GRIN2B: variants seen among roughly 807,000 people sequenced by gnomAD.
GRIN2B encodes glutamate ionotropic receptor NMDA type subunit 2B.
Under a neutral mutation model 114.5 loss-of-function variants are expected in GRIN2B, and 5 were observed. That is an observed-to-expected ratio of 0.04 (90% confidence interval 0.02 to 0.09). The LOEUF (loss-of-function observed/expected upper bound fraction) is 0.09, where lower values mean the gene tolerates loss of function less well. Ranked by LOEUF, GRIN2B falls within the 10% of genes least tolerant of loss-of-function variation. The pLI, the probability that GRIN2B is intolerant of heterozygous loss-of-function variation, is 1.00. For synonymous variants in GRIN2B, 787 were observed against 745.1 expected, an observed-to-expected ratio of 1.06 and a Z score of -0.92; for missense variants, 1,108 against 1,943.5, an observed-to-expected ratio of 0.57 and a Z score of 8.08.
In GRIN2B at chr12:13,727,852, G is replaced by C. The variant is rs1223629009; in HGVS notation, c.1010+25465C>G. Among the ~76,000 whole-genome samples, 3 of 152,162 alleles carry C rather than the reference G, an allele frequency of 2.0e-5. No individual in the cohort carries two copies. In the South Asian group the frequency reaches 6.2e-4, roughly 31 times the overall value. On this transcript the variant is annotated intron_variant, in intron 4 of 13. Coordinates refer to ENST00000609686, the MANE Select transcript of GRIN2B (RefSeq NM_000834.5). ...ATTAACAGCTCTGGATAATAGCTCT[G>C]TGGGGTAAAATGTAAATCTGTCAAT...
intron 3 of GRIN2B, among the ~76,000 whole-genome samples, chr12:13,826,595 C>T (rs944775260): frequency 1.3e-5 from 2 of 152,026 alleles, no homozygotes; most frequent in South Asian, 4.1e-4. Flanking sequence ...CTCTTTATTG[C>T]TAATTTTCAG....
At chr12:13,899,430 C>G (rs778191863) in intron 2 of GRIN2B, among the ~76,000 whole-genome samples, 1 of 144,842 alleles carries the variant, frequency 6.9e-6, no homozygotes, top group South Asian at 2.2e-4. Flanking sequence ...GTAGGGCAAT[C>G]GGGGAGGTAC....
chr12:13,947,255 G>A (rs1169480368), intron 2 of GRIN2B, among the ~76,000 whole-genome samples: 1 of 152,160 alleles, frequency 6.6e-6, no homozygotes, highest in Non-Finnish European at 1.5e-5. Context: ...TAAACCATGA[G>A]GTTGCACGTA....
Position 13,563,160 on chromosome 12 carries a change from C to G in GRIN2B, c.4078G>C (p.Gly1360Arg), listed in dbSNP as rs781529910. 7 of 1,614,058 alleles carry G rather than the reference C, an allele frequency of 4.3e-6. No homozygotes were observed. Among genetic ancestry groups the G allele is most frequent in the Non-Finnish European group, 5.9e-6 (7 of 1,180,052 alleles). ...CCGGGGTTGTTGTGGTGGTGATGTC[C>G]GGCAGTGGGCACTGAGGACTTGTTG... ...ANNKSSVPTA[G>R]HHHHNNPGGG... The change falls in exon 14 of 14, where the codon GGA (glycine) becomes CGA (arginine). Residue 1360 changes from glycine (G) to arginine (R), a missense_variant. Physicochemically the swap from Gly to Arg is moderately radical, Grantham distance 125. This residue lies in a region of GRIN2B where 478 missense variants were observed against 506.0 expected (regional missense o/e 0.94). Transcript: ENST00000609686.
chr12:13,819,032 T>A (rs974813788), intron 3 of GRIN2B, among the ~76,000 whole-genome samples: 2 of 152,202 alleles, frequency 1.3e-5, no homozygotes, highest in African/African-American at 4.8e-5. Context: ...CACTAGGACC[T>A]AAGAATGTGA....
chr12:13,608,857 G>A (rs200781107), intron 9 of GRIN2B, 25 bp from the exon 10 acceptor site: 169 of 1,554,206 alleles, frequency 1.1e-4, no homozygotes, highest in Admixed American at 1.7e-4. Context: ...AGACAAGGAC[G>A]AAAGTTAAGC....
chr12:13,617,265 C>A (rs1365130662), intron 5 of GRIN2B, among the ~76,000 whole-genome samples: 1 of 152,214 alleles, frequency 6.6e-6, no homozygotes, highest in East Asian at 1.9e-4. Context: ...GGGAAGGGAG[C>A]ACAGTTAGGC....
intron 3 of GRIN2B, among the ~76,000 whole-genome samples, chr12:13,764,730 T>C (rs748587454): frequency 3.3e-5 from 5 of 152,244 alleles, no homozygotes; most frequent in Admixed American, 6.5e-5. Context: ...AACATTTCTA[T>C]TGTTGATGGC....
In GRIN2B at chr12:13,539,007, G is replaced by T. The variant is rs1227621011; in HGVS notation, c.*23776C>A. On this transcript the variant is annotated 3_prime_UTR_variant, in exon 14 of 14. Transcript: ENST00000609686. The stretch of plus-strand genomic sequence containing the variant: ...CAAAAAAAATTTGGGGTTTAAGGAA[G>T]TATCTCCAGAAGTAAAGAGAATCAC... 1 of 151,968 alleles carries T rather than the reference G, an allele frequency of 6.6e-6. No individual in the cohort carries two copies. The highest frequency in any genetic ancestry group is 1.5e-5 in the Non-Finnish European group (1 of 67,998). The allele number at this position is 151,968 out of a possible 1,614,324, so 9.4% of individuals were successfully genotyped here.
intron 10 of GRIN2B, among the ~76,000 whole-genome samples, chr12:13,578,539 C>T (rs1381480812): frequency 3.9e-5 from 6 of 152,158 alleles, no homozygotes; most frequent in Non-Finnish European, 8.8e-5. Flanking sequence ...TATGGACTCT[C>T]CAGCCCAGCC....
At chr12:13,707,599 C>G (rs1950372423) in intron 4 of GRIN2B, among the ~76,000 whole-genome samples, 1 of 151,938 alleles carries the variant, frequency 6.6e-6, no homozygotes, top group Non-Finnish European at 1.5e-5. Context: ...TCAGGGAAAT[C>G]AATGCATTTT....
At chr12:13,798,890 G>A (rs905234534) in intron 3 of GRIN2B, among the ~76,000 whole-genome samples, 1 of 152,160 alleles carries the variant, frequency 6.6e-6, no homozygotes, top group Non-Finnish European at 1.5e-5. Flanking sequence ...ATTCAAAAAG[G>A]TGCCTCCTTT....
rs1042818644 is a variant in GRIN2B, at chr12:13,753,233, C to G, written c.1010+84G>C. ...CCTGCTACCGTCTTGAACTGTTCTT[C>G]CTGCAGTTTCTGAACTTCCAACCCC... On this transcript the variant is annotated intron_variant, in intron 4 of 13. Coordinates refer to ENST00000609686, the MANE Select transcript of GRIN2B (RefSeq NM_000834.5). This position sits in a 1 kb window ranked among gnomAD's most constrained non-coding sequence, Gnocchi z 6.2. The G allele has an allele frequency of 2.3e-6, 2 of 859,142 alleles. No individual in the cohort carries two copies. The highest frequency in any genetic ancestry group is 3.4e-5 in the Admixed American group (2 of 59,094). 53.2% of individuals were successfully genotyped at this position (859,142 alleles called of 1,614,324 possible).
chr12:13,684,543 G>A (rs565359147), intron 4 of GRIN2B, among the ~76,000 whole-genome samples: 2 of 152,296 alleles, frequency 1.3e-5, no homozygotes, highest in East Asian at 1.9e-4. Flanking sequence ...GGTGCTACAG[G>A]AAAGCCAGAC....
intron 2 of GRIN2B, among the ~76,000 whole-genome samples, chr12:13,920,503 T>C (rs1866805256): frequency 6.6e-6 from 1 of 152,204 alleles, no homozygotes; most frequent in Admixed American, 6.5e-5. Flanking sequence ...TTAGCACCAT[T>C]CTCACATCTC....
chr12:13,849,606 A>G (rs1183328524), intron 3 of GRIN2B, among the ~76,000 whole-genome samples: 1 of 152,178 alleles, frequency 6.6e-6, no homozygotes, highest in African/African-American at 2.4e-5. Flanking sequence ...GCAAGCAGCC[A>G]GCTTGGGCCT....
intron 3 of GRIN2B, among the ~76,000 whole-genome samples, chr12:13,865,226 T>G (rs1591773803): frequency 6.6e-6 from 1 of 152,202 alleles, no homozygotes; most frequent in African/African-American, 2.4e-5. Flanking sequence ...GCTACAAGCG[T>G]CAACATCCCT....
intron 4 of GRIN2B, among the ~76,000 whole-genome samples, chr12:13,696,928 T>C (rs192759046): frequency 6.6e-6 from 1 of 152,314 alleles, no homozygotes; most frequent in African/African-American, 2.4e-5. Flanking sequence ...AATAATGCTT[T>C]AGCCGTTCTT....
Position 13,854,933 on chromosome 12 carries a change from A to G in GRIN2B, c.411+10865T>C, listed in dbSNP as rs185127122. On this transcript the variant is annotated intron_variant, in intron 3 of 13. Transcript: ENST00000609686. Reference sequence around the variant, plus strand: ...AACCTCAAGAAATAGGGTCTAGGCCAGGCACAGTGGCTCACACCTATAATC... The same window carrying G: ...AACCTCAAGAAATAGGGTCTAGGCCGGGCACAGTGGCTCACACCTATAATC... Among the ~76,000 whole-genome samples the G allele has an allele frequency of 1.3e-3, 197 of 151,880 alleles. 5 individuals carry two copies. Among genetic ancestry groups the G allele is most frequent in the Non-Finnish European group, 2.8e-4 (19 of 67,954 alleles).
Sources: gnomAD v4.1 joint callset for allele counts (sites outside exome capture counted in the v4.1 genomes callset) on GRCh38, gnomAD v4.1.1 for gene constraint, gnomAD v4.1.1 regional missense constraint, Gnocchi (gnomAD v3.1) non-coding constraint, MANE v1.5 for transcripts, NCBI Gene and HGNC (gene_info 2026-07-23, HGNC 2026-07-21) for gene names.